Variants in PLCB1 observed in about 807,000 individuals in gnomAD.
The protein encoded by PLCB1 is 1-phosphatidylinositol 4,5-bisphosphate phosphodiesterase beta-1.
In PLCB1, 46 loss-of-function variants were observed where a neutral mutation model predicts 161.8. The observed-to-expected ratio is 0.28, with a 90% CI of 0.22 to 0.36. The LOEUF (loss-of-function observed/expected upper bound fraction) is 0.36, where lower values mean the gene tolerates loss of function less well. Among genes scored for constraint, PLCB1 ranks in the 10% least tolerant of loss-of-function variants. PLCB1 has a pLI of 1.00. For synonymous variants in PLCB1, 517 were observed against 503.7 expected (o/e 1.03, Z -0.35); for missense variants, 1,016 against 1,472.5 (o/e 0.69, Z 5.07).
intron 3 of PLCB1, among the ~76,000 whole-genome samples, chr20:8,531,745 C>T (rs1984824859): frequency 6.6e-6 from 1 of 151,802 alleles, no homozygotes; most frequent in South Asian, 2.1e-4. Flanking sequence ...TTTATAAATT[C>T]ATCCAGATTA....
At chr20:8,339,257 C>T (rs560927236) in intron 2 of PLCB1, among the ~76,000 whole-genome samples, 1 of 152,182 alleles carries the variant, frequency 6.6e-6, no homozygotes, top group African/African-American at 2.4e-5. Flanking sequence ...TATATCTCAC[C>T]AGGAGTGTGG....
intron 2 of PLCB1, among the ~76,000 whole-genome samples, chr20:8,159,363 G>A (rs2051596807): frequency 6.6e-6 from 1 of 152,076 alleles, no homozygotes; most frequent in Admixed American, 6.6e-5. Context: ...CAAGTCCCTA[G>A]GCTACACACA....
chr20:8,830,772 T>C (rs1370621043), intron 31 of PLCB1, among the ~76,000 whole-genome samples: 2 of 152,250 alleles, frequency 1.3e-5, no homozygotes, highest in South Asian at 2.1e-4. Context: ...GGCATCAGTA[T>C]GTCTGGGCAG....
intron 3 of PLCB1, among the ~76,000 whole-genome samples, chr20:8,462,431 G>C (rs1258876499): frequency 6.6e-6 from 1 of 152,150 alleles, no homozygotes; most frequent in Non-Finnish European, 1.5e-5. Context: ...ACAAATCAAG[G>C]CATTTCTGAA....
chr20:8,461,076 C>T (rs56170888), intron 3 of PLCB1, among the ~76,000 whole-genome samples: 16,582 of 152,192 alleles, frequency 0.11, 949 homozygotes, highest in Middle Eastern at 0.13. Context: ...TTTAATTAAT[C>T]TAAATTTAAA....
intron 4 of PLCB1, among the ~76,000 whole-genome samples, chr20:8,635,684 T>G (rs572542768): frequency 6.6e-6 from 1 of 152,302 alleles, no homozygotes; most frequent in South Asian, 2.1e-4. Context: ...TTGACACCTT[T>G]CAGGATAAGG....
intron 3 of PLCB1, among the ~76,000 whole-genome samples, chr20:8,563,992 T>G (rs6039194): frequency 6.6e-6 from 1 of 151,840 alleles, no homozygotes; most frequent in Non-Finnish European, 1.5e-5. Context: ...TTAGAAAAAT[T>G]TACTTTAAAT....
At chr20:8,691,093 G>A (rs895963615) in intron 10 of PLCB1, among the ~76,000 whole-genome samples, 1 of 152,086 alleles carries the variant, frequency 6.6e-6, no homozygotes, top group African/African-American at 2.4e-5. Context: ...TTTGACTCAT[G>A]GGTCAAAATT....
At chr20:8,479,981 G>C (rs566764912) in intron 3 of PLCB1, among the ~76,000 whole-genome samples, 2 of 152,302 alleles carry the variant, frequency 1.3e-5, no homozygotes, top group South Asian at 4.1e-4. Context: ...AATAGTGATG[G>C]TGAACTATCT....
chr20:8,711,047 G>C (rs1399786072), intron 12 of PLCB1, among the ~76,000 whole-genome samples: 2 of 152,164 alleles, frequency 1.3e-5, no homozygotes, highest in Admixed American at 6.5e-5. Context: ...AAACCCAGGT[G>C]CTTCTAAGAG....
chr20:8,444,364 C>A (rs1408170137), intron 3 of PLCB1, among the ~76,000 whole-genome samples: 4 of 152,202 alleles, frequency 2.6e-5, no homozygotes, highest in Non-Finnish European at 4.4e-5. Flanking sequence ...CATGTCCCTA[C>A]AAAGGACATG....
At chr20:8,451,602 G>A (rs534073727) in intron 3 of PLCB1, among the ~76,000 whole-genome samples, 97 of 152,098 alleles carry the variant, frequency 6.4e-4, no homozygotes, top group Admixed American at 1.4e-3. Flanking sequence ...CACCCACCTC[G>A]GCCTCCCAAA....
At chr20:8,262,417 T>C (rs565032031) in intron 2 of PLCB1, among the ~76,000 whole-genome samples, 1 of 152,094 alleles carries the variant, frequency 6.6e-6, no homozygotes, top group East Asian at 1.9e-4. Flanking sequence ...CACAAGGAAA[T>C]ACCCAAATAT....
intron 3 of PLCB1, among the ~76,000 whole-genome samples, chr20:8,445,186 C>T (rs755589636): frequency 2.0e-5 from 3 of 152,166 alleles, no homozygotes; most frequent in Admixed American, 6.6e-5. Flanking sequence ...TTAGGTCTGA[C>T]ATTTAAGTCT....
At position 8,329,624 on chromosome 20, in the gene PLCB1, T is replaced by C. The variant is rs184918443; in HGVS notation, c.178-41758T>C. The stretch of plus-strand genomic sequence containing the variant: ...CTGAAGCTACCATATCTTTGTTTCT[T>C]GTGCAATGATAATGTCACTGATGGC... On this transcript the variant is annotated intron_variant, in intron 2 of 31. Transcript: ENST00000338037. 1.6e-4 allele frequency among the ~76,000 whole-genome samples: 24 copies of C among 152,372 alleles called. 1 individual carries two copies. In the East Asian group the frequency reaches 4.4e-3, roughly 28 times the overall value.
intron 3 of PLCB1, among the ~76,000 whole-genome samples, chr20:8,388,971 C>G (rs976547763): frequency 2.0e-5 from 3 of 152,096 alleles, no homozygotes; most frequent in African/African-American, 7.2e-5. Flanking sequence ...AGGAATGGTT[C>G]CCTTGGCAGA....
At chr20:8,279,231 TCAA>T (rs1982755420) in intron 2 of PLCB1, among the ~76,000 whole-genome samples, 1 of 152,122 alleles carries the variant, frequency 6.6e-6, no homozygotes, top group South Asian at 2.1e-4. Context: ...CTATTCACAA[TCAA>T]CAAAAACTGG....
chr20:8,843,977 A>G (rs565313230), intron 31 of PLCB1, among the ~76,000 whole-genome samples: 11 of 152,338 alleles, frequency 7.2e-5, no homozygotes, highest in African/African-American at 2.6e-4. Flanking sequence ...CCAGTTGTAA[A>G]GGTTTGACTT....
chr20:8,511,001 A>G lies in PLCB1; in HGVS notation c.247-117293A>G, dbSNP rs151098211. On this transcript the variant is annotated intron_variant, in intron 3 of 31. Transcript: ENST00000338037. ...CTAATCATTATTTTGTAGTGAGAAC[A>G]CTTAAAATCTGCACTGTTAGCAATT... Among the ~76,000 whole-genome samples the G allele has an allele frequency of 5.3e-5, 8 of 152,122 alleles. No individual in the cohort carries two copies. The East Asian group carries it at 1.5e-3, about 29-fold the overall frequency.
Sources: allele counts gnomAD v4.1 joint callset (sites outside exome capture counted in the v4.1 genomes callset), GRCh38; gene constraint gnomAD v4.1.1; transcripts MANE v1.5; gene names NCBI Gene and HGNC (gene_info 2026-07-23, HGNC 2026-07-21).